Variants in ASB7 observed in about 807,000 individuals in gnomAD.
ASB7 encodes ankyrin repeat and SOCS box protein 7.
In ASB7, 4 loss-of-function variants were observed where a neutral mutation model predicts 32.5. The observed-to-expected ratio is 0.12, with a 90% CI of 0.06 to 0.28. The LOEUF is 0.28. Ranked by LOEUF, ASB7 falls within the 10% of genes least tolerant of loss-of-function variation. ASB7 has a pLI of 1.00. For missense variants in ASB7, 181 were observed against 407.1 expected (o/e 0.44, Z 4.78); for synonymous variants, 172 against 155.6 (o/e 1.11, Z -0.78).
intron 5 of ASB7, among the ~76,000 whole-genome samples, chr15:100,642,750 C>G (rs1247258656): frequency 2.0e-5 from 3 of 152,238 alleles, no homozygotes; most frequent in Non-Finnish European, 2.9e-5. Flanking sequence ...ATGGCTCACT[C>G]TTGCGGCCGG....
chr15:100,614,846 G>A (rs1336198764), intron 4 of ASB7, among the ~76,000 whole-genome samples: 2 of 151,818 alleles, frequency 1.3e-5, no homozygotes, highest in South Asian at 2.1e-4. Context: ...CATGCCCACC[G>A]TGGGCTGCAG....
intron 2 of ASB7, among the ~76,000 whole-genome samples, chr15:100,606,640 A>G (rs2039647481): frequency 6.6e-6 from 1 of 152,192 alleles, no homozygotes; most frequent in Non-Finnish European, 1.5e-5. Context: ...ATGTACTTGA[A>G]TTTCTAAATT....
At chr15:100,632,428 C>T (rs2039891088) in intron 5 of ASB7, among the ~76,000 whole-genome samples, 1 of 152,236 alleles carries the variant, frequency 6.6e-6, no homozygotes, top group Admixed American at 6.5e-5. Context: ...GTTTCTGCTT[C>T]ACCTGTGTGT....
chr15:100,623,625 C>T (rs1014684116), intron 4 of ASB7, among the ~76,000 whole-genome samples: 3 of 152,082 alleles, frequency 2.0e-5, no homozygotes, highest in East Asian at 1.9e-4. Context: ...ACTCTTAATA[C>T]GGTGTTGGTG....
chr15:100,606,147 C>A (rs550312549), intron 2 of ASB7, among the ~76,000 whole-genome samples: 1 of 152,188 alleles, frequency 6.6e-6, no homozygotes, highest in Non-Finnish European at 1.5e-5. Flanking sequence ...GTTTTTCCAT[C>A]CATCTTCCCT....
intron 4 of ASB7, among the ~76,000 whole-genome samples, chr15:100,619,446 G>A (rs79425891): frequency 7.7e-4 from 118 of 152,364 alleles, no homozygotes; most frequent in African/African-American, 2.8e-3. Context: ...CCTAAGGCAA[G>A]AAGAGTAGCT....
intron 5 of ASB7, chr15:100,638,349 T>G (rs2039938846): frequency 6.6e-6 from 1 of 152,214 alleles, no homozygotes; most frequent in Non-Finnish European, 1.5e-5. Context: ...TGAAGTTTGT[T>G]TATAAAACTG....
Sources: allele counts gnomAD v4.1 joint callset (sites outside exome capture counted in the v4.1 genomes callset), GRCh38; gene constraint gnomAD v4.1.1; transcripts MANE v1.5; gene names NCBI Gene and HGNC (gene_info 2026-07-23, HGNC 2026-07-21).